Variants in UBE4B observed in about 807,000 individuals in gnomAD.
The protein encoded by UBE4B is ubiquitin conjugation factor E4 B.
UBE4B carries 27 observed loss-of-function variants against 148.1 expected under a neutral mutation model. That is an observed-to-expected ratio of 0.18 (90% CI 0.13 to 0.25). The LOEUF (loss-of-function observed/expected upper bound fraction) is 0.25, where lower values mean the gene tolerates loss of function less well. Ranked by LOEUF, UBE4B falls within the 10% of genes least tolerant of loss-of-function variation. The pLI, the probability that UBE4B is intolerant of heterozygous loss-of-function variation, is 1.00. For synonymous variants in UBE4B, 596 were observed against 619.3 expected (o/e 0.96, Z 0.56); for missense variants, 1,170 against 1,662.4 (o/e 0.70, Z 5.15).
At chr1:10,123,262 C>G (rs1645438714) in intron 10 of UBE4B, among the ~76,000 whole-genome samples, 1 of 151,764 alleles carries the variant, frequency 6.6e-6, no homozygotes, top group African/African-American at 2.4e-5. Context: ...GAAACCCGGT[C>G]TCTACTAAAA....
intron 19 of UBE4B, among the ~76,000 whole-genome samples, chr1:10,148,865 G>A (rs1239846688): frequency 6.7e-6 from 1 of 149,792 alleles, no homozygotes. Context: ...GATTGAACTG[G>A]GGAGGTGGAG....
At chr1:10,126,231 C>G (rs1645491271) in intron 10 of UBE4B, among the ~76,000 whole-genome samples, 1 of 152,114 alleles carries the variant, frequency 6.6e-6, no homozygotes, top group Non-Finnish European at 1.5e-5. Context: ...ACCCCAGAGG[C>G]ACAGGTTGCA....
intron 25 of UBE4B, among the ~76,000 whole-genome samples, chr1:10,174,054 A>G (rs1646377572): frequency 6.6e-6 from 1 of 152,206 alleles, no homozygotes; most frequent in Non-Finnish European, 1.5e-5. Context: ...CAGAGTGGTG[A>G]AACAAACACA....
chr1:10,156,334 G>C (rs1646071589), intron 21 of UBE4B, among the ~76,000 whole-genome samples: 1 of 151,092 alleles, frequency 6.6e-6, no homozygotes, highest in South Asian at 2.1e-4. Context: ...TGACCTCCCG[G>C]GCTCAAGTGA....
chr1:10,111,649 CTT>C (rs1408102028), intron 7 of UBE4B, among the ~76,000 whole-genome samples: 1 of 152,158 alleles, frequency 6.6e-6, no homozygotes, highest in Admixed American at 6.5e-5. Context: ...ACAACTCTGA[CTT>C]TGCCTTGCTA....
In UBE4B at chr1:10,128,020, G is replaced by T. The variant is rs1352870096; in HGVS notation, c.1638+1143G>T. Among the ~76,000 whole-genome samples, 4 of 152,304 alleles carry T rather than the reference G, an allele frequency of 2.6e-5. No individual in the cohort carries two copies. In the South Asian group the frequency reaches 8.3e-4, roughly 32 times the overall value. ...GATTTATGCCAGAGCTCTTTCCATTGTACATGTTATTGGGGCTCCTGGTAA... is the reference window on the plus strand; with the variant it reads ...GATTTATGCCAGAGCTCTTTCCATTTTACATGTTATTGGGGCTCCTGGTAA... On this transcript the variant is annotated intron_variant, in intron 11 of 27. Coordinates refer to ENST00000343090, the MANE Select transcript of UBE4B (RefSeq NM_001105562.3).
At chr1:10,167,830 T>G (rs115624399) in intron 23 of UBE4B, among the ~76,000 whole-genome samples, 1,659 of 152,194 alleles carry the variant, frequency 0.011, 37 homozygotes, top group African/African-American at 0.038. Context: ...ACCTCGTGAT[T>G]CGCCCACCTT....
intron 1 of UBE4B, among the ~76,000 whole-genome samples, chr1:10,036,755 G>A (rs569328494): frequency 6.6e-6 from 1 of 152,226 alleles, no homozygotes; most frequent in South Asian, 2.1e-4. Flanking sequence ...ACTTGTGTCA[G>A]ATATGGTAGG....
At chr1:10,096,226 A>G (rs1419527309) in intron 3 of UBE4B, among the ~76,000 whole-genome samples, 1 of 152,222 alleles carries the variant, frequency 6.6e-6, no homozygotes, top group Non-Finnish European at 1.5e-5. Context: ...GGAATATTTC[A>G]TACAGGTAAG....
intron 25 of UBE4B, among the ~76,000 whole-genome samples, chr1:10,175,132 T>C (rs1646398427): frequency 6.6e-6 from 1 of 152,082 alleles, no homozygotes; most frequent in African/African-American, 2.4e-5. Flanking sequence ...CTGAGCTTGA[T>C]GCTCAGGAAT....
intron 7 of UBE4B, among the ~76,000 whole-genome samples, chr1:10,111,024 CTCTG>C (rs978380784): frequency 2.0e-5 from 3 of 147,968 alleles, no homozygotes; most frequent in African/African-American, 7.5e-5. Context: ...CTCTGTCTCT[CTCTG>C]TCTTTCTCTG....
intron 1 of UBE4B, among the ~76,000 whole-genome samples, chr1:10,061,124 A>C (rs1644276757): frequency 6.6e-6 from 1 of 152,170 alleles, no homozygotes. Context: ...AATGCAGCAT[A>C]CTGCAAACCT....
chr1:10,157,077 A>C (rs1052572401), intron 21 of UBE4B, among the ~76,000 whole-genome samples: 6 of 152,172 alleles, frequency 3.9e-5, no homozygotes, highest in African/African-American at 1.4e-4. Context: ...GTGCAGTGGC[A>C]TGATCTTGGC....
At chr1:10,061,411 C>A (rs1024639483) in intron 1 of UBE4B, among the ~76,000 whole-genome samples, 1 of 152,080 alleles carries the variant, frequency 6.6e-6, no homozygotes, top group Non-Finnish European at 1.5e-5. Flanking sequence ...TGCACCACCA[C>A]GCCCAGCTAA....
chr1:10,147,113 C>T (rs370991793), intron 19 of UBE4B, 23 bp downstream of exon 19: 2 of 1,613,952 alleles, frequency 1.2e-6, no homozygotes, highest in Non-Finnish European at 1.7e-6. Context: ...CTTCCTGTTT[C>T]CCTTGTCCCT....
chr1:10,143,396 G>A (rs1329320246), intron 17 of UBE4B, among the ~76,000 whole-genome samples: 1 of 151,232 alleles, frequency 6.6e-6, no homozygotes, highest in African/African-American at 2.4e-5. Context: ...GTGAGGCTCA[G>A]TCTAAAAAAA....
At chr1:10,177,281 A>G (rs1646442271) in intron 25 of UBE4B, among the ~76,000 whole-genome samples, 1 of 151,836 alleles carries the variant, frequency 6.6e-6, no homozygotes, top group African/African-American at 2.4e-5. Context: ...CCACTTTGGG[A>G]GGCCAAGGTG....
rs569492289 is a variant in UBE4B, at chr1:10,132,887, G to C, written c.2025+405G>C. On this transcript the variant is annotated intron_variant, in intron 15 of 27. Coordinates refer to ENST00000343090, the MANE Select transcript of UBE4B (RefSeq NM_001105562.3). Reference sequence around the variant, plus strand: ...ACGAAGCAGCTTTGGTACAAGCCCAGCACGCAGGCTTTTGTGGCTGGAGAA... The same window carrying C: ...ACGAAGCAGCTTTGGTACAAGCCCACCACGCAGGCTTTTGTGGCTGGAGAA... Among the ~76,000 whole-genome samples, 121 of 152,312 alleles carry C rather than the reference G, an allele frequency of 7.9e-4. 1 individual carries two copies. Among genetic ancestry groups the C allele is most frequent in the African/African-American group, 2.7e-3 (112 of 41,574 alleles).
chr1:10,178,264 C>T lies in UBE4B; in HGVS notation c.3526-380C>T, dbSNP rs184497465. ...TCTTATAGGCTGCCAGGGCACAGTG[C>T]CCCCCAAGGACTGAAATAGACTAGA... is the stretch of plus-strand genomic sequence containing the variant. On this transcript the variant is annotated intron_variant, in intron 25 of 27. Transcript: ENST00000343090. Among the ~76,000 whole-genome samples the T allele has an allele frequency of 4.6e-5, 7 of 152,000 alleles. No homozygotes were observed. In the East Asian group the frequency reaches 1.4e-3, roughly 29 times the overall value.
Sources: gnomAD v4.1 joint callset for allele counts (sites outside exome capture counted in the v4.1 genomes callset) on GRCh38, gnomAD v4.1.1 for gene constraint, MANE v1.5 for transcripts, NCBI Gene and HGNC (gene_info 2026-07-23, HGNC 2026-07-21) for gene names.